Variants in ARL6 observed in about 807,000 individuals in gnomAD.
ARL6 encodes ARF like GTPase 6.
Under a neutral mutation model 27.1 loss-of-function variants are expected in ARL6, and 18 were observed. The observed-to-expected ratio is 0.66, with a 90% CI of 0.46 to 0.98. The LOEUF (loss-of-function observed/expected upper bound fraction) is 0.98. Among genes scored for constraint, ARL6 ranks in the 50% least tolerant of loss-of-function variants. The pLI, the probability that ARL6 is intolerant of heterozygous loss-of-function variation, is 0.00. For missense variants in ARL6, 187 were observed against 214.9 expected (o/e 0.87, Z 0.81); for synonymous variants, 65 against 72.3 (o/e 0.90, Z 0.51).
chr3:97,776,395 C>T (rs553218565), intron 2 of ARL6, among the ~76,000 whole-genome samples: 6 of 152,166 alleles, frequency 3.9e-5, no homozygotes, highest in African/African-American at 1.4e-4. Context: ...CATTCAGCCA[C>T]TCTGTGTCTT....
At chr3:97,781,108 GT>G (rs1345679680) in intron 4 of ARL6, among the ~76,000 whole-genome samples, 1 of 152,054 alleles carries the variant, frequency 6.6e-6, no homozygotes, top group Admixed American at 6.6e-5. Context: ...CGCCTCCCTA[GT>G]GGAAGTGTGA....
intron 6 of ARL6, among the ~76,000 whole-genome samples, chr3:97,790,051 TTGTGTGTGTGTGTG>T (rs3058067): frequency 1.0e-4 from 14 of 137,152 alleles, no homozygotes; most frequent in South Asian, 5.0e-4. Flanking sequence ...GGCATCATGA[TTGTGTGTGTGTGTG>T]TGTGTGTGTG....
chr3:97,799,072 C>G lies in ARL6; in HGVS notation c.*1023C>G, dbSNP rs2038134188. ...TAGAGAACACTTATAATTGTGAACTCTAAATAGAAACCTTCATTTTAATCA... is the reference window on the plus strand; with the variant it reads ...TAGAGAACACTTATAATTGTGAACTGTAAATAGAAACCTTCATTTTAATCA... On this transcript the variant is annotated 3_prime_UTR_variant, in exon 8 of 8. Coordinates refer to ENST00000463745, the MANE Select transcript of ARL6 (RefSeq NM_001278293.3). 1 of 151,950 alleles carries G rather than the reference C, an allele frequency of 6.6e-6. No homozygotes were observed. Among genetic ancestry groups the G allele is most frequent in the Non-Finnish European group, 1.5e-5 (1 of 67,898 alleles). The allele number at this position is 151,950 out of a possible 1,614,324, so 9.4% of individuals were successfully genotyped here. A position where few individuals can be genotyped will look rare whatever the true frequency, so the allele number is the denominator to read the frequency against.
intron 4 of ARL6, 66 bp from the exon 5 acceptor site, chr3:97,784,889 T>C: frequency 8.7e-7 from 1 of 1,144,946 alleles, no homozygotes; most frequent in Non-Finnish European, 1.3e-6. Flanking sequence ...GAAATGCCCA[T>C]GGATAATAAA....
At chr3:97,785,093 T>G in intron 5 of ARL6, 44 bp downstream of exon 5, 2 of 1,473,380 alleles carry the variant, frequency 1.4e-6, no homozygotes, top group Non-Finnish European at 1.9e-6. Context: ...TTGGGGTTCA[T>G]TTATGTGTAA....
At chr3:97,797,212 A>G (rs2038045156) in intron 7 of ARL6, among the ~76,000 whole-genome samples, 1 of 152,204 alleles carries the variant, frequency 6.6e-6, no homozygotes, top group Non-Finnish European at 1.5e-5. Flanking sequence ...GAGTTCTTCA[A>G]GAAGGCAAAG....
At chr3:97,786,719 C>T (rs1156899394) in intron 5 of ARL6, among the ~76,000 whole-genome samples, 1 of 152,104 alleles carries the variant, frequency 6.6e-6, no homozygotes, top group Non-Finnish European at 1.5e-5. Flanking sequence ...ATCATAGCTA[C>T]AGGGATATTT....
chr3:97,790,182 G>GA (rs558914592), intron 6 of ARL6, among the ~76,000 whole-genome samples: 23 of 151,758 alleles, frequency 1.5e-4, no homozygotes, highest in African/African-American at 4.6e-4. Context: ...GGGAAGATGA[G>GA]AAAAAATAAA....
chr3:97,767,368 A>G (rs572713769), intron 1 of ARL6, among the ~76,000 whole-genome samples: 2 of 152,294 alleles, frequency 1.3e-5, no homozygotes, highest in South Asian at 2.1e-4. Context: ...GGTTCAATAA[A>G]TTGAATGTGT....
intron 7 of ARL6, among the ~76,000 whole-genome samples, chr3:97,797,156 A>G (rs546637792): frequency 1.1e-3 from 160 of 152,330 alleles, no homozygotes; most frequent in African/African-American, 3.4e-3. Context: ...GCAGGCATAG[A>G]GAAAATGAGT....
At chr3:97,779,887 TA>T (rs369703731) in intron 2 of ARL6, among the ~76,000 whole-genome samples, 2 of 151,798 alleles carry the variant, frequency 1.3e-5, no homozygotes, top group Middle Eastern at 3.4e-3. Context: ...AAACACTTAT[TA>T]AACCACTTAT....
At chr3:97,769,444 TA>T (rs1370839040) in intron 2 of ARL6, among the ~76,000 whole-genome samples, 1 of 152,120 alleles carries the variant, frequency 6.6e-6, no homozygotes, top group East Asian at 1.9e-4. Flanking sequence ...ATTTAGGGGT[TA>T]CATGTGATAG....
chr3:97,778,417 T>C (rs1256262906), intron 2 of ARL6, among the ~76,000 whole-genome samples: 1 of 152,182 alleles, frequency 6.6e-6, no homozygotes. Context: ...TACCATGCTA[T>C]TAAAGTGACC....
chr3:97,785,875 T>C (rs1000788233), intron 5 of ARL6, among the ~76,000 whole-genome samples: 9 of 152,156 alleles, frequency 5.9e-5, no homozygotes, highest in African/African-American at 2.2e-4. Flanking sequence ...AGGATGGTGG[T>C]TTAAGAGAAC....
At chr3:97,774,180 C>G (rs1022884471) in intron 2 of ARL6, among the ~76,000 whole-genome samples, 1 of 152,162 alleles carries the variant, frequency 6.6e-6, no homozygotes, top group African/African-American at 2.4e-5. Context: ...GTAGGAGGAG[C>G]CTGTTCTCCA....
chr3:97,788,032 A>G lies in ARL6; in HGVS notation c.392A>G (p.Lys131Arg). 2 of 1,613,230 alleles carry G rather than the reference A, an allele frequency of 1.2e-6. No individual in the cohort carries two copies. The change falls in exon 6 of 8, where the codon AAA becomes AGA. Residue 131 changes from lysine to arginine, a missense_variant. Coordinates refer to ENST00000463745, the MANE Select transcript of ARL6 (RefSeq NM_001278293.3). ...ATTCCAATCTTATTCTTTGCAAATA[A>G]AATGGATCTTAGAGATGCAGTGACA... Reference protein sequence around the residue: ...RRIPILFFANKMDLRDAVTSV... With the variant: ...RRIPILFFANRMDLRDAVTSV...
intron 7 of ARL6, among the ~76,000 whole-genome samples, chr3:97,794,217 G>GTGTGTGTGTT (rs1235955944): frequency 6.9e-6 from 1 of 145,796 alleles, no homozygotes; most frequent in East Asian, 2.0e-4. Flanking sequence ...GTGTGTGTGT[G>GTGTGTGTGTT]TTTTTGAGAT....
chr3:97,784,436 T>G (rs1347879911), intron 4 of ARL6, among the ~76,000 whole-genome samples: 1 of 151,624 alleles, frequency 6.6e-6, no homozygotes, highest in African/African-American at 2.4e-5. Flanking sequence ...CACTATGGTT[T>G]ATGGTAAAAA....
intron 2 of ARL6, 133 bp downstream of exon 2, chr3:97,768,363 G>A: frequency 1.1e-6 from 1 of 874,384 alleles, no homozygotes; most frequent in Non-Finnish European, 1.8e-6. Context: ...GTACCTTTAA[G>A]TATCCTCAGC....
Sources: allele counts gnomAD v4.1 joint callset (sites outside exome capture counted in the v4.1 genomes callset), GRCh38; gene constraint gnomAD v4.1.1; transcripts MANE v1.5; gene names NCBI Gene and HGNC (gene_info 2026-07-23, HGNC 2026-07-21).